TAF4: variants seen among roughly 807,000 people sequenced by gnomAD.
TAF4 encodes TATA-box binding protein associated factor 4, also known as transcription initiation factor TFIID subunit 4.
Under a neutral mutation model 90.3 loss-of-function variants are expected in TAF4, and 9 were observed. That is an observed-to-expected ratio of 0.10 (90% CI 0.06 to 0.17). The LOEUF (loss-of-function observed/expected upper bound fraction) is 0.17, where lower values mean the gene tolerates loss of function less well. TAF4 is among the 10% of genes least tolerant of loss of function. TAF4 has a pLI of 1.00. For missense variants in TAF4, 1,351 were observed against 1,370.7 expected (o/e 0.99, Z 0.23); for synonymous variants, 818 against 638.9 (o/e 1.28, Z -4.23).
intron 1 of TAF4, chr20:62,037,950 G>A: frequency 1.1e-5 from 2 of 185,020 alleles, no homozygotes; most frequent in Non-Finnish European, 2.3e-5. Context: ...AGTGACTAAT[G>A]AACCATTTTC....
chr20:62,012,272 G>A (rs1416224164), intron 3 of TAF4: 1 of 152,514 alleles, frequency 6.6e-6, no homozygotes, highest in Non-Finnish European at 1.5e-5. Flanking sequence ...GCATGGCCGG[G>A]AGTGAGTCCC....
At chr20:62,023,926 T>C (rs1333830832) in intron 1 of TAF4, among the ~76,000 whole-genome samples, 2 of 151,268 alleles carry the variant, frequency 1.3e-5, no homozygotes, top group African/African-American at 4.9e-5. Context: ...CTACTAAAAA[T>C]ACAAAAATTA....
intron 14 of TAF4, among the ~76,000 whole-genome samples, chr20:61,990,235 G>A (rs2055622868): frequency 6.6e-6 from 1 of 152,226 alleles, no homozygotes; most frequent in Non-Finnish European, 1.5e-5. Context: ...CACATGTGGT[G>A]TAGCGGGGAC....
chr20:61,999,219 C>G, intron 11 of TAF4, 111 bp from the exon 12 acceptor site: 1 of 1,403,194 alleles, frequency 7.1e-7, no homozygotes. Flanking sequence ...TCCGTCCAGT[C>G]TGAATGCGGC....
In TAF4 at chr20:62,039,180, T is replaced by G. The variant is rs192429276; in HGVS notation, c.1361-24473A>C. ...CTCAACGTTTTCGAAAAAGCAGCAC[T>G]GGAGGACTCCTGCCACCCATCAACA... On this transcript the variant is annotated intron_variant, in intron 1 of 14. Transcript: ENST00000252996. Among the ~76,000 whole-genome samples, 1,018 of 152,310 alleles carry G rather than the reference T, an allele frequency of 6.7e-3. 4 individuals are homozygous for G. The highest frequency in any genetic ancestry group is 8.5e-3 in the Non-Finnish European group (579 of 68,026).
intron 1 of TAF4, among the ~76,000 whole-genome samples, chr20:62,029,632 G>A (rs986387472): frequency 7.2e-5 from 11 of 152,214 alleles, no homozygotes; most frequent in African/African-American, 2.7e-4. Flanking sequence ...TGCAGGCTGG[G>A]AGTGGTGGCT....
intron 1 of TAF4, among the ~76,000 whole-genome samples, chr20:62,039,596 T>C (rs1600856389): frequency 6.6e-6 from 1 of 152,336 alleles, no homozygotes; most frequent in East Asian, 1.9e-4. Context: ...CTTAAAATGA[T>C]ACACTGGATT....
chr20:61,987,310 AGAG>A (rs1568922783), intron 14 of TAF4, among the ~76,000 whole-genome samples: 2 of 152,172 alleles, frequency 1.3e-5, no homozygotes, highest in South Asian at 2.1e-4. Flanking sequence ...ACCACCAAGC[AGAG>A]GAGACCAAGG....
chr20:62,014,048 G>GTGTA (rs2055798622), intron 2 of TAF4, among the ~76,000 whole-genome samples: 1 of 147,960 alleles, frequency 6.8e-6, no homozygotes. Context: ...GTGTGTGTAT[G>GTGTA]TGTGTGTGTG....
In TAF4 at chr20:62,014,569, G is replaced by A; in HGVS notation, c.1499C>T (p.Pro500Leu). 6.2e-7 allele frequency: 1 copy of A among 1,613,736 alleles called. No individual in the cohort carries two copies. The highest frequency in any genetic ancestry group is 8.5e-7 in the Non-Finnish European group (1 of 1,179,892). Residue 500 changes from proline to leucine, a missense_variant, in exon 2 of 15, where the codon CCC (proline) becomes CTC (leucine). Physicochemically the swap from Pro to Leu is moderately conservative, Grantham distance 98. Around this residue, in one of 9 missense-constraint regions of TAF4, gnomAD observed 143 missense variants for 176.3 expected, o/e 0.81. Coordinates refer to ENST00000252996, the MANE Select transcript of TAF4 (RefSeq NM_003185.4). Reference protein sequence around the residue: ...PRPATPTSAPPVQISTVQAPG... With the variant: ...PRPATPTSAPLVQISTVQAPG... ...CACCTGTACGGTGGAGATCTGGACG[G>A]GAGGGGCACTTGTGGGGGTGGCAGG...
intron 9 of TAF4, among the ~76,000 whole-genome samples, chr20:62,002,917 T>C (rs542167440): frequency 2.6e-5 from 4 of 152,378 alleles, no homozygotes; most frequent in Non-Finnish European, 5.9e-5. Flanking sequence ...TTAGTTCATA[T>C]AAAAATAATC....
rs772673806 is a variant in TAF4, at chr20:62,032,794, G to A, written c.1361-18087C>T. 8.5e-5 allele frequency among the ~76,000 whole-genome samples: 13 copies of A among 152,142 alleles called. No individual in the cohort carries two copies. In the East Asian group the frequency reaches 9.6e-4, roughly 11 times the overall value. The stretch of plus-strand genomic sequence containing the variant: ...AGCAAAGCAGGGGCTCTGAGCAGCC[G>A]GTGGCCAACCAGCACACACTGGGCA... On this transcript the variant is annotated intron_variant, in intron 1 of 14. Transcript: ENST00000252996.
chr20:62,061,221 T>C (rs1444607301), intron 1 of TAF4, among the ~76,000 whole-genome samples: 4 of 152,234 alleles, frequency 2.6e-5, no homozygotes. Context: ...AGCATGGGCC[T>C]GGACTCGCCA....
intron 9 of TAF4, among the ~76,000 whole-genome samples, chr20:62,002,846 T>C (rs957650646): frequency 2.6e-5 from 4 of 152,306 alleles, no homozygotes; most frequent in Admixed American, 2.6e-4. Flanking sequence ...AAGTGAAGCA[T>C]TCTATACTAG....
At chr20:62,059,969 G>A (rs571215592) in intron 1 of TAF4, among the ~76,000 whole-genome samples, 2 of 152,224 alleles carry the variant, frequency 1.3e-5, no homozygotes, top group Non-Finnish European at 2.9e-5. Context: ...CAGTAGAAAA[G>A]GCTTTGGAGG....
chr20:62,027,348 G>C (rs754398852), intron 1 of TAF4, among the ~76,000 whole-genome samples: 1 of 152,106 alleles, frequency 6.6e-6, no homozygotes, highest in South Asian at 2.1e-4. Flanking sequence ...CTTCAGCATC[G>C]GCCTACACAG....
intron 1 of TAF4, among the ~76,000 whole-genome samples, chr20:62,054,691 T>C (rs940606100): frequency 6.6e-5 from 10 of 152,062 alleles, no homozygotes; most frequent in African/African-American, 2.4e-4. Flanking sequence ...AATGCTGGCC[T>C]CTCCCGGCAC....
Position 62,016,651 on chromosome 20 carries a change from G to C in TAF4, c.1361-1944C>G, listed in dbSNP as rs2055813605. On this transcript the variant is annotated intron_variant, in intron 1 of 14. Transcript: ENST00000252996. ...ATCTGGGGACTCAGACTGGCTTCCG[G>C]GCTCCTCAGGTGCACACAGCCTATT... 2.0e-5 allele frequency among the ~76,000 whole-genome samples: 3 copies of C among 152,184 alleles called. No homozygotes were observed. The South Asian group carries it at 6.2e-4, about 31-fold the overall frequency.
intron 13 of TAF4, 58 bp from the exon 14 acceptor site, chr20:61,997,727 CA>C: frequency 6.5e-7 from 1 of 1,550,040 alleles, no homozygotes; most frequent in East Asian, 2.3e-5. Context: ...TTACTTACTA[CA>C]AAAGTAATAC....
Sources: gnomAD v4.1 joint callset for allele counts (sites outside exome capture counted in the v4.1 genomes callset) on GRCh38, gnomAD v4.1.1 for gene constraint, gnomAD v4.1.1 regional missense constraint, MANE v1.5 for transcripts, NCBI Gene and HGNC (gene_info 2026-07-23, HGNC 2026-07-21) for gene names.